Variants in MICA observed in about 807,000 individuals in gnomAD.
MICA encodes MHC class I polypeptide-related sequence A.
MICA carries 18 observed loss-of-function variants against 34.3 expected under a neutral mutation model. That is an observed-to-expected ratio of 0.52 (90% CI 0.36 to 0.78). The LOEUF (loss-of-function observed/expected upper bound fraction) is 0.78. Among genes scored for constraint, MICA ranks in the 30% least tolerant of loss-of-function variants. MICA has a pLI of 0.00. For synonymous variants in MICA, 135 were observed against 156.9 expected, an observed-to-expected ratio of 0.86 and a Z score of 1.04; for missense variants, 333 against 409.4, an observed-to-expected ratio of 0.81 and a Z score of 1.61.
At position 31,412,421 on chromosome 6, in the gene MICA, CGTT is replaced by C; in HGVS notation, c.995_997del (p.Leu332del). ...TTTTGTTATTATTATTTTCTATGTC[CGTT>C]GTTGTAAGAAGAAAACATCAGCTGC... On this transcript the variant is annotated inframe_deletion, in exon 5 of 6. Coordinates refer to ENST00000449934, the MANE Select transcript of MICA (RefSeq NM_001177519.3). The C allele has an allele frequency of 1.9e-6, 3 of 1,569,822 alleles. No individual in the cohort carries two copies. The highest frequency in any genetic ancestry group is 1.7e-6 in the Non-Finnish European group (2 of 1,157,400).
intron 1 of MICA, among the ~76,000 whole-genome samples, chr6:31,409,843 GA>G (rs1250622066): frequency 2.6e-5 from 4 of 151,702 alleles, no homozygotes; most frequent in Non-Finnish European, 5.9e-5. Flanking sequence ...CCTGCCCCCA[GA>G]ACTATTTGCT....
intron 1 of MICA, among the ~76,000 whole-genome samples, chr6:31,407,313 C>T (rs561021319): frequency 3.2e-4 from 49 of 151,920 alleles, no homozygotes; most frequent in Middle Eastern, 3.4e-3. Flanking sequence ...CTTGGCTCAC[C>T]GCAACCTCCG....
chr6:31,410,873 C>G (rs17200242), intron 2 of MICA, 76 bp downstream of exon 2: 1 of 1,501,912 alleles, frequency 6.7e-7, no homozygotes, highest in African/African-American at 1.4e-5. Flanking sequence ...AGGGACCTGT[C>G]TCTTCCCACT....
upstream of MICA, among the ~76,000 whole-genome samples, chr6:31,401,751 T>C (rs1400999551): frequency 1.3e-5 from 2 of 151,788 alleles, no homozygotes; most frequent in African/African-American, 4.9e-5. Context: ...AAAACTTGAC[T>C]ACACATCGGA....
In MICA at chr6:31,403,798, G is replaced by A; in HGVS notation, c.70+96G>A. On this transcript the variant is annotated intron_variant, in intron 1 of 5. Transcript: ENST00000449934. The surrounding 1 kb of genome is among the most constrained non-coding windows in gnomAD (Gnocchi z 4.7). Reference sequence around the variant, plus strand: ...CGGCGAGCGCTGTGCGGTCAGGGCGGGGCTCCTGTGCCCTGTCGGTGGCGC... The same window carrying A: ...CGGCGAGCGCTGTGCGGTCAGGGCGAGGCTCCTGTGCCCTGTCGGTGGCGC... 3 of 1,186,880 alleles carry A rather than the reference G, an allele frequency of 2.5e-6. No homozygotes were observed. The highest frequency in any genetic ancestry group is 2.3e-6 in the Non-Finnish European group (2 of 857,734). 73.5% of individuals were successfully genotyped at this position (1,186,880 alleles called of 1,614,324 possible).
chr6:31,405,543 A>G (rs1770703626), intron 1 of MICA, among the ~76,000 whole-genome samples: 1 of 151,788 alleles, frequency 6.6e-6, no homozygotes, highest in African/African-American at 2.4e-5. Context: ...CACAACAAGC[A>G]TTTATCCTTT....
At position 31,411,074 on chromosome 6, in the gene MICA, T is replaced by C; in HGVS notation, c.328T>C (p.Leu110=). The change falls in exon 3 of 6, where the codon TTG becomes CTG. Residue 110 remains leucine, a splice_region_variant and synonymous_variant. Coordinates refer to ENST00000449934, the MANE Select transcript of MICA (RefSeq NM_001177519.3). The surrounding 1 kb of genome is among the most constrained non-coding windows in gnomAD (Gnocchi z 4.3). ...AAGTCACTGCTGGGTGGGGGCAGGC[T>C]TGCATTCCCTCCAGGAGATTAGGGT... is the stretch of plus-strand genomic sequence containing the variant. ...LAHIKDQKEG[L]HSLQEIRVCE... is the part of the protein sequence containing the mutation. 6.3e-7 allele frequency: 1 copy of C among 1,588,268 alleles called. No homozygotes were observed. Among genetic ancestry groups the C allele is most frequent in the Non-Finnish European group, 8.6e-7 (1 of 1,167,920 alleles).
chr6:31,405,471 A>C (rs182017977), intron 1 of MICA, among the ~76,000 whole-genome samples: 6 of 151,736 alleles, frequency 4.0e-5, no homozygotes, highest in Non-Finnish European at 4.4e-5. Flanking sequence ...TATGGGGTAC[A>C]TGGGATATTT....
chr6:31,403,088 G>A (rs1402183899), upstream of MICA, among the ~76,000 whole-genome samples: 1 of 151,922 alleles, frequency 6.6e-6, no homozygotes, highest in Non-Finnish European at 1.5e-5. The surrounding 1 kb of genome is among the most constrained non-coding windows in gnomAD (Gnocchi z 4.7). Flanking sequence ...AGAGGTGGCT[G>A]AGATCTGGAA....
Position 31,410,461 on chromosome 6 carries a change from T to G in MICA, c.71-82T>G. ...TGTGCATTTCCTGCCCCAGGAAGGT[T>G]GGGACAGCAGACCTGTGTGTTAAAC... On this transcript the variant is annotated intron_variant, in intron 1 of 5. Transcript: ENST00000449934. 2.0e-6 allele frequency: 3 copies of G among 1,528,668 alleles called. No homozygotes were observed. The Admixed American group carries it at 5.8e-5, about 30-fold the overall frequency. The allele number at this position is 1,528,668 out of a possible 1,614,324, so 94.7% of individuals were successfully genotyped here. A position where few individuals can be genotyped will look rare whatever the true frequency, so the allele number is the denominator to read the frequency against.
At position 31,412,204 on chromosome 6, in the gene MICA, A is replaced by G. The variant is rs61759927; in HGVS notation, c.871A>G (p.Ser291Gly). The G allele has an allele frequency of 1.7e-5, 28 of 1,611,252 alleles. No homozygotes were observed. The highest frequency in any genetic ancestry group is 1.1e-4 in the East Asian group (5 of 44,810). The change falls in exon 4 of 6, where the codon AGC becomes GGC. Residue 291 changes from serine to glycine, a missense_variant. Physicochemically the swap from Ser to Gly is moderately conservative, Grantham distance 56. Coordinates refer to ENST00000449934, the MANE Select transcript of MICA (RefSeq NM_001177519.3). ...TCYMEHSGNH[S>G]THPVPSGKVL... ...CTACATGGAACACAGCGGGAATCAC[A>G]GCACTCACCCTGTGCCCTCTGGTGA...
rs1390171483 is a variant in MICA, at chr6:31,403,768, G to C, written c.70+66G>C. 6.9e-7 allele frequency: 1 copy of C among 1,459,756 alleles called. No homozygotes were observed. Among genetic ancestry groups the C allele is most frequent in the Non-Finnish European group, 9.2e-7 (1 of 1,089,692 alleles). The allele number at this position is 1,459,756 out of a possible 1,614,324, so 90.4% of individuals were successfully genotyped here. A position where few individuals can be genotyped will look rare whatever the true frequency, so the allele number is the denominator to read the frequency against. The stretch of plus-strand genomic sequence containing the variant: ...GTGGGACGTTTCCGGGGGTCGGGTG[G>C]GTAGCGGCGAGCGCTGTGCGGTCAG... On this transcript the variant is annotated intron_variant, in intron 1 of 5. Transcript: ENST00000449934. The surrounding 1 kb of genome is among the most constrained non-coding windows in gnomAD (Gnocchi z 4.7).
rs1489339401 is a variant in MICA at position 31,411,150 on chromosome 6, A to G, written c.404A>G (p.Tyr135Cys). The part of the protein sequence containing the change: ...NSTRSSQHFY[Y>C]DGELFLSQNL... ...ACCAGGAGCTCCCAGCATTTCTACT[A>G]CGATGGGGAGCTCTTCCTCTCCCAA... is the stretch of plus-strand genomic sequence containing the variant. The change falls in exon 3 of 6, where the codon TAC becomes TGC. Residue 135 changes from tyrosine (Y) to cysteine (C), a missense_variant. Tyr to Cys is a radical substitution (Grantham distance 194, BLOSUM62 -2). Transcript: ENST00000449934. The surrounding 1 kb of genome is among the most constrained non-coding windows in gnomAD (Gnocchi z 4.3). 1 of 1,612,456 alleles carries G rather than the reference A, an allele frequency of 6.2e-7. No homozygotes were observed. Among genetic ancestry groups the G allele is most frequent in the Non-Finnish European group, 8.5e-7 (1 of 1,179,756 alleles).
Position 31,411,260 on chromosome 6 carries a change from G to A in MICA, c.514G>A (p.Asp172Asn). The A allele has an allele frequency of 6.2e-7, 1 of 1,612,428 alleles. No homozygotes were observed. The highest frequency in any genetic ancestry group is 8.5e-7 in the Non-Finnish European group (1 of 1,179,692). ...AMNVRNFLKE[D>N]AMKTKTHYHA... ...GAACGTCAGGAATTTCTTGAAGGAA[G>A]ATGCCATGAAGACCAAGACACACTA... is the stretch of plus-strand genomic sequence containing the variant. Residue 172 changes from aspartate to asparagine, a missense_variant, in exon 3 of 6, where the codon GAT (aspartate) becomes AAT (asparagine). Transcript: ENST00000449934. This position sits in a 1 kb window ranked among gnomAD's most constrained non-coding sequence, Gnocchi z 4.3.
At chr6:31,404,188 C>A (rs1039484505) in intron 1 of MICA, among the ~76,000 whole-genome samples, 2 of 151,742 alleles carry the variant, frequency 1.3e-5, no homozygotes, top group African/African-American at 4.9e-5. Flanking sequence ...GCCCTCCTTT[C>A]TCGGGACCCG....
At position 31,411,346 on chromosome 6, in the gene MICA, C is replaced by T; in HGVS notation, c.600C>T (p.Val200=). The stretch of plus-strand genomic sequence containing the variant: ...GGCGATATCTAGAATCCGGCGTAGT[C>T]CTGAGGAGAACAGGTACCGACGCTG... ...ELRRYLESGV[V]LRRTVPPMVN... Residue 200 remains valine, a synonymous_variant, in exon 3 of 6, where the codon GTC becomes GTT. Coordinates refer to ENST00000449934, the MANE Select transcript of MICA (RefSeq NM_001177519.3). This position sits in a 1 kb window ranked among gnomAD's most constrained non-coding sequence, Gnocchi z 4.3. 1 of 1,569,602 alleles carries T rather than the reference C, an allele frequency of 6.4e-7. No homozygotes were observed. Among genetic ancestry groups the T allele is most frequent in the Non-Finnish European group, 8.6e-7 (1 of 1,158,086 alleles).
At position 31,403,667 on chromosome 6, in the gene MICA, G is replaced by A. The variant is rs530525489; in HGVS notation, c.35G>A (p.Gly12Asp). 2 of 1,533,270 alleles carry A rather than the reference G, an allele frequency of 1.3e-6. No individual in the cohort carries two copies. The highest frequency in any genetic ancestry group is 1.2e-5 in the South Asian group (1 of 82,722). 95.0% of individuals were successfully genotyped at this position (1,533,270 alleles called of 1,614,324 possible). The change falls in exon 1 of 6, where the codon GGC (glycine) becomes GAC (aspartate). Residue 12 changes from glycine (G) to aspartate (D), a missense_variant. By Grantham distance (94) the Gly-to-Asp change is moderately conservative. Transcript: ENST00000449934. The surrounding 1 kb of genome is among the most constrained non-coding windows in gnomAD (Gnocchi z 4.7). ...GGCCCGGTCTTTCTGCTTCTGGCTG[G>A]CATCTTCCCTTTTGCACCTCCGGGA... Reference protein sequence around the residue: ...GLGPVFLLLAGIFPFAPPGAA... With the variant: ...GLGPVFLLLADIFPFAPPGAA...
chr6:31,415,244 G>A lies in MICA; in HGVS notation c.*262G>A, dbSNP rs1330186130. On this transcript the variant is annotated 3_prime_UTR_variant, in exon 6 of 6. Coordinates refer to ENST00000449934, the MANE Select transcript of MICA (RefSeq NM_001177519.3). ...GACCTATGAAACAGAGAAAATAAAAGCACTTATTTATTGTTGTTGGAGGCT... is the reference window on the plus strand; with the variant it reads ...GACCTATGAAACAGAGAAAATAAAAACACTTATTTATTGTTGTTGGAGGCT... The A allele has an allele frequency of 1.7e-6, 1 of 582,026 alleles. No individual in the cohort carries two copies. The highest frequency in any genetic ancestry group is 3.1e-6 in the Non-Finnish European group (1 of 321,566). 36.1% of individuals were successfully genotyped at this position (582,026 alleles called of 1,614,324 possible).
At position 31,410,424 on chromosome 6, in the gene MICA, T is replaced by G. The variant is rs1771034569; in HGVS notation, c.71-119T>G. ...TTTGTATATGAAATCCTCGTTCTTG[T>G]CCCTTTGCCCGTGTGCATTTCCTGC... On this transcript the variant is annotated intron_variant, in intron 1 of 5. Transcript: ENST00000449934. The G allele has an allele frequency of 2.3e-6, 3 of 1,296,534 alleles. No individual in the cohort carries two copies. In the East Asian group the frequency reaches 7.3e-5, roughly 32 times the overall value. 80.3% of individuals were successfully genotyped at this position (1,296,534 alleles called of 1,614,324 possible). A position where few individuals can be genotyped will look rare whatever the true frequency, so the allele number is the denominator to read the frequency against.
Sources: gnomAD v4.1 joint callset for allele counts (sites outside exome capture counted in the v4.1 genomes callset) on GRCh38, gnomAD v4.1.1 for gene constraint, Gnocchi (gnomAD v3.1) non-coding constraint, MANE v1.5 for transcripts, NCBI Gene and HGNC (gene_info 2026-07-23, HGNC 2026-07-21) for gene names.